MOB1B: variants seen among roughly 807,000 people sequenced by gnomAD.
MOB1B encodes MOB1 Mps One Binder homolog B.
In MOB1B, 19 loss-of-function variants were observed where a neutral mutation model predicts 24.4. The ratio of observed to expected loss-of-function variants is 0.78; its 90% CI spans 0.54 to 1.14. MOB1B has a LOEUF of 1.14. MOB1B is among the 50% of genes most tolerant of loss of function. The pLI is 0.00. For missense variants in MOB1B, 243 were observed against 259.6 expected, an observed-to-expected ratio of 0.94 and a Z score of 0.44; for synonymous variants, 76 against 82.1, an observed-to-expected ratio of 0.93 and a Z score of 0.40.
chr4:70,906,889 G>A (rs1230727499), intron 1 of MOB1B, among the ~76,000 whole-genome samples: 1 of 152,190 alleles, frequency 6.6e-6, no homozygotes, highest in East Asian at 1.9e-4. Flanking sequence ...TCCAGAGATG[G>A]TGGATGGTAT....
At chr4:70,908,780 A>C (rs998523641) in intron 1 of MOB1B, among the ~76,000 whole-genome samples, 3 of 146,528 alleles carry the variant, frequency 2.0e-5, no homozygotes, top group African/African-American at 7.6e-5. Context: ...GTCTTAAAAA[A>C]AAAAAAGATT....
chr4:70,910,411 A>G (rs949457806), intron 1 of MOB1B, among the ~76,000 whole-genome samples: 8 of 151,566 alleles, frequency 5.3e-5, no homozygotes, highest in Non-Finnish European at 1.2e-4. Flanking sequence ...ACACATACAC[A>G]TGCGTGTATA....
intron 1 of MOB1B, among the ~76,000 whole-genome samples, chr4:70,939,151 GACACA>G (rs1481006341): frequency 1.3e-5 from 2 of 152,132 alleles, no homozygotes; most frequent in African/African-American, 4.8e-5. Flanking sequence ...CTTTCACTTA[GACACA>G]ACACAATTGC....
At chr4:70,933,280 C>T (rs149157922) in intron 1 of MOB1B, among the ~76,000 whole-genome samples, 247 of 152,266 alleles carry the variant, frequency 1.6e-3, no homozygotes, top group African/African-American at 5.1e-3. Context: ...CCACGCCCCT[C>T]CTCCAACACT....
intron 1 of MOB1B, among the ~76,000 whole-genome samples, chr4:70,907,019 A>G (rs1042205118): frequency 6.6e-6 from 1 of 152,224 alleles, no homozygotes; most frequent in East Asian, 1.9e-4. Flanking sequence ...ATGGAAGGTG[A>G]ACAAGAGCTC....
chr4:70,937,602 C>T (rs1402829776), intron 1 of MOB1B, among the ~76,000 whole-genome samples: 18 of 150,622 alleles, frequency 1.2e-4, no homozygotes, highest in Admixed American at 9.9e-4. Flanking sequence ...ATCTCTGCCT[C>T]CCAAGTTCAA....
chr4:70,910,915 ATAGC>A (rs1735957342), intron 1 of MOB1B, among the ~76,000 whole-genome samples: 1 of 151,904 alleles, frequency 6.6e-6, no homozygotes, highest in East Asian at 1.9e-4. Flanking sequence ...AGCCTCCAGA[ATAGC>A]TGGGACTACA....
chr4:70,969,851 C>G (rs1738684700), intron 2 of MOB1B, 80 bp from the exon 3 acceptor site: 1 of 758,558 alleles, frequency 1.3e-6, no homozygotes, highest in African/African-American at 1.8e-5. Context: ...GCCAATAAGC[C>G]TATTCTGTTC....
intron 1 of MOB1B, among the ~76,000 whole-genome samples, chr4:70,913,683 G>A (rs1209652049): frequency 6.6e-6 from 1 of 152,068 alleles, no homozygotes; most frequent in East Asian, 1.9e-4. Context: ...TGATTAATGT[G>A]TTTGCCAGGA....
At chr4:70,965,869 A>C (rs1221583972) in intron 2 of MOB1B, among the ~76,000 whole-genome samples, 2 of 151,614 alleles carry the variant, frequency 1.3e-5, no homozygotes, top group African/African-American at 4.8e-5. Context: ...TATCCCAATA[A>C]ATTTGAAAAT....
Position 70,979,115 on chromosome 4 carries a change from A to ATC in MOB1B, c.410-9_410-8dup, listed in dbSNP as rs1238165338. The ATC allele has an allele frequency of 3.1e-6, 5 of 1,608,348 alleles. No homozygotes were observed. The Admixed American group carries it at 8.5e-5, about 27-fold the overall frequency. On this transcript the variant is annotated splice_polypyrimidine_tract_variant and intron_variant, in intron 4 of 5. Transcript: ENST00000309395. ...CTCTTGTTACTAGAGGGAGTTGTTT[A>ATC]TCTCTTTTCTAGGTGTCCCGTTCCC...
chr4:70,929,710 A>T (rs1736807644), intron 1 of MOB1B, among the ~76,000 whole-genome samples: 1 of 149,242 alleles, frequency 6.7e-6, no homozygotes, highest in Admixed American at 6.7e-5. Context: ...CAGTGGCGCG[A>T]TCTTGGCTCA....
intron 3 of MOB1B, among the ~76,000 whole-genome samples, chr4:70,974,868 T>C (rs1468057546): frequency 2.0e-5 from 3 of 152,212 alleles, no homozygotes; most frequent in African/African-American, 7.2e-5. Context: ...TCTACTACAA[T>C]AATGTCTGAT....
At chr4:70,903,539 G>A (rs541745757) in intron 1 of MOB1B, among the ~76,000 whole-genome samples, 1 of 152,252 alleles carries the variant, frequency 6.6e-6, no homozygotes, top group South Asian at 2.1e-4. Context: ...TCCATGTTTA[G>A]TCTGTGTTTA....
intron 1 of MOB1B, among the ~76,000 whole-genome samples, chr4:70,946,453 G>A (rs184145380): frequency 6.6e-6 from 1 of 152,296 alleles, no homozygotes; most frequent in Admixed American, 6.5e-5. Context: ...TAGTGAAAGA[G>A]AGGGAGAGGG....
intron 2 of MOB1B, among the ~76,000 whole-genome samples, chr4:70,966,674 G>A (rs1371727271): frequency 1.3e-5 from 2 of 151,470 alleles, no homozygotes; most frequent in Non-Finnish European, 3.0e-5. Context: ...GTGCCTGGCC[G>A]AGTCCCACTA....
chr4:70,950,811 G>T, intron 1 of MOB1B: 1 of 1,483,982 alleles, frequency 6.7e-7, no homozygotes, highest in East Asian at 2.5e-5. Context: ...GTGAATGAAA[G>T]GTTAGTACCT....
At chr4:70,979,543 A>G (rs776050283) in intron 5 of MOB1B, among the ~76,000 whole-genome samples, 2 of 152,240 alleles carry the variant, frequency 1.3e-5, no homozygotes, top group African/African-American at 4.8e-5. Flanking sequence ...TTAACAGGCC[A>G]TATGGAGGGA....
chr4:70,980,421 C>A (rs1262891937), intron 5 of MOB1B, among the ~76,000 whole-genome samples: 1 of 152,180 alleles, frequency 6.6e-6, no homozygotes, highest in Non-Finnish European at 1.5e-5. Context: ...AGTGATCTTA[C>A]ACTGTGTTTC....
Sources: gnomAD v4.1 joint callset for allele counts (sites outside exome capture counted in the v4.1 genomes callset) on GRCh38, gnomAD v4.1.1 for gene constraint, MANE v1.5 for transcripts, NCBI Gene and HGNC (gene_info 2026-07-23, HGNC 2026-07-21) for gene names.